The following SRP19 variants were observed in gnomAD, a reference collection of about 807,000 sequenced individuals.
SRP19 encodes signal recognition particle 19 kDa protein.
SRP19 carries 11 observed loss-of-function variants against 22.4 expected under a neutral mutation model. The observed-to-expected ratio is 0.49, with a 90% CI of 0.31 to 0.81. The LOEUF (loss-of-function observed/expected upper bound fraction) is 0.81. Among genes scored for constraint, SRP19 ranks in the 40% least tolerant of loss-of-function variants. SRP19 has a pLI of 0.05. For synonymous variants in SRP19, 61 were observed against 57.6 expected, an observed-to-expected ratio of 1.06 and a Z score of -0.27; for missense variants, 168 against 175.9, an observed-to-expected ratio of 0.96 and a Z score of 0.25.
At chr5:112,876,537 A>G (rs986246248) in intron 4 of SRP19, 2 of 152,228 alleles carry the variant, frequency 1.3e-5, no homozygotes, top group African/African-American at 4.8e-5. Context: ...GATCCAAATG[A>G]TTGAAGCCTT....
chr5:112,872,854 A>T (rs1402120119), downstream of SRP19, among the ~76,000 whole-genome samples: 1 of 152,160 alleles, frequency 6.6e-6, no homozygotes, highest in Non-Finnish European at 1.5e-5. Flanking sequence ...AAAGTGCAAG[A>T]GAGGTAAATG....
intron 4 of SRP19, chr5:112,887,085 G>A (rs762701367): frequency 6.2e-7 from 1 of 1,613,636 alleles, no homozygotes; most frequent in African/African-American, 1.3e-5. Flanking sequence ...TGTCCATCTG[G>A]GACTCGTGCT....
At chr5:112,887,443 AACTTGG>A (rs1768292749) in intron 4 of SRP19, among the ~76,000 whole-genome samples, 1 of 152,230 alleles carries the variant, frequency 6.6e-6, no homozygotes, top group Admixed American at 6.5e-5. Flanking sequence ...CTATCTTCCT[AACTTGG>A]ACCACGTTTT....
exon 5 of SRP19, chr5:112,892,766 A>C (rs779666578): frequency 6.2e-6 from 10 of 1,613,994 alleles, no homozygotes; most frequent in Non-Finnish European, 8.5e-6. Context: ...GGCCACCACG[A>C]CCACTACTAC....
In SRP19 at chr5:112,867,391, T is replaced by G; in HGVS notation, c.302-13T>G. ...TCTCAGATTATACACTAAGCCTAAC[T>G]TCTGGTTCCTAGGTAAGTCAGTAAT... On this transcript the variant is annotated splice_polypyrimidine_tract_variant and intron_variant, in intron 4 of 4. Coordinates refer to ENST00000505459, the MANE Select transcript of SRP19 (RefSeq NM_003135.3). 6.2e-7 allele frequency: 1 copy of G among 1,610,092 alleles called. No homozygotes were observed. The highest frequency in any genetic ancestry group is 8.5e-7 in the Non-Finnish European group (1 of 1,177,574).
chr5:112,864,815 A>T (rs540913538), intron 4 of SRP19, 83 bp downstream of exon 4: 1 of 1,062,830 alleles, frequency 9.4e-7, no homozygotes, highest in Non-Finnish European at 1.4e-6. Context: ...ACTGAAAGGT[A>T]AAAGTCAGAA....
At chr5:112,875,782 C>G (rs1767880195) in intron 4 of SRP19, among the ~76,000 whole-genome samples, 1 of 151,526 alleles carries the variant, frequency 6.6e-6, no homozygotes, top group East Asian at 1.9e-4. Flanking sequence ...CGCGGTGGCT[C>G]ATGCCTGTAA....
At chr5:112,897,278 T>TA (rs1278645547), downstream of SRP19, 2 of 151,574 alleles carry the variant, frequency 1.3e-5, no homozygotes, top group African/African-American at 4.8e-5. Context: ...TTGCACATTT[T>TA]AAAAAATAGG....
chr5:112,878,861 A>G (rs1302636338), intron 4 of SRP19: 2 of 1,613,768 alleles, frequency 1.2e-6, no homozygotes, highest in African/African-American at 2.7e-5. Flanking sequence ...GAGGGAAAGA[A>G]AAATATATCA....
exon 5 of SRP19, chr5:112,891,795 G>C: frequency 6.2e-7 from 1 of 1,608,656 alleles, no homozygotes; most frequent in Middle Eastern, 1.7e-4. Flanking sequence ...CACAGGAGGA[G>C]GAAGAGGACA....
rs896443770 is a variant in SRP19, at chr5:112,868,319, C to G, written c.*782C>G. ...ATTTTGAGCTATCCCAATTCCTGTT[C>G]TTCCTGAGGCCTGGTTTAGCTCTTC... is the stretch of plus-strand genomic sequence containing the variant. On this transcript the variant is annotated 3_prime_UTR_variant, in exon 5 of 5. Transcript: ENST00000505459. The G allele has an allele frequency of 1.4e-5, 14 of 985,700 alleles. No homozygotes were observed. In the African/African-American group the frequency reaches 2.4e-4, roughly 17 times the overall value. 61.1% of individuals were successfully genotyped at this position (985,700 alleles called of 1,614,324 possible).
At chr5:112,873,645 C>A (rs181635187), downstream of SRP19, among the ~76,000 whole-genome samples, 241 of 152,202 alleles carry the variant, frequency 1.6e-3, no homozygotes, top group Middle Eastern at 0.01. Flanking sequence ...CTGCACCCGG[C>A]CTTCTTTCTA....
chr5:112,888,001 T>G (rs1042959099), intron 4 of SRP19, among the ~76,000 whole-genome samples: 1 of 152,216 alleles, frequency 6.6e-6, no homozygotes, highest in Non-Finnish European at 1.5e-5. Context: ...GAAAGTTTAA[T>G]AAACAATATA....
intron 4 of SRP19, among the ~76,000 whole-genome samples, chr5:112,889,015 G>A (rs1289194385): frequency 6.6e-6 from 1 of 150,786 alleles, no homozygotes; most frequent in East Asian, 2.0e-4. Context: ...CCTTTCGCTT[G>A]GGCTCTCATT....
At chr5:112,863,055 C>G (rs938037259) in intron 2 of SRP19, among the ~76,000 whole-genome samples, 1 of 152,094 alleles carries the variant, frequency 6.6e-6, no homozygotes, top group African/African-American at 2.4e-5. Flanking sequence ...AGGTTTGATG[C>G]AGTGAATTCT....
At chr5:112,891,706 A>C in exon 5 of SRP19, 1 of 1,614,096 alleles carries the variant, frequency 6.2e-7, no homozygotes, top group Non-Finnish European at 8.5e-7. Flanking sequence ...AAGCCACAAA[A>C]AGTACAGGGC....
chr5:112,868,008 GA>G lies in SRP19; in HGVS notation c.*474del. ...CCATAGTGTGAGGCTAAAACTAGAA[GA>G]AACTGTGGTAGGTCCTTTTGTGGGT... On this transcript the variant is annotated 3_prime_UTR_variant, in exon 5 of 5. Transcript: ENST00000505459. The G allele has an allele frequency of 1.0e-6, 1 of 986,336 alleles. No individual in the cohort carries two copies. 61.1% of individuals were successfully genotyped at this position (986,336 alleles called of 1,614,324 possible). A position where few individuals can be genotyped will look rare whatever the true frequency, so the allele number is the denominator to read the frequency against.
chr5:112,878,842 G>A (rs771804016), intron 4 of SRP19: 2 of 1,613,990 alleles, frequency 1.2e-6, no homozygotes, highest in Non-Finnish European at 1.7e-6. Flanking sequence ...TTCGCTGTTT[G>A]TTTGTTAGGA....
At chr5:112,886,502 G>A (rs765018358) in intron 4 of SRP19, among the ~76,000 whole-genome samples, 20 of 152,196 alleles carry the variant, frequency 1.3e-4, no homozygotes, top group Admixed American at 4.6e-4. Flanking sequence ...TCTTCTGCAA[G>A]TGGAGAGAAC....
Sources: allele counts gnomAD v4.1 joint callset (sites outside exome capture counted in the v4.1 genomes callset), GRCh38; gene constraint gnomAD v4.1.1; transcripts MANE v1.5; gene names NCBI Gene and HGNC (gene_info 2026-07-23, HGNC 2026-07-21).